GKAP1: variants seen among roughly 807,000 people sequenced by gnomAD.
The protein encoded by GKAP1 is G kinase-anchoring protein 1.
GKAP1 carries 31 observed loss-of-function variants against 56.7 expected under a neutral mutation model. The observed-to-expected ratio is 0.55, with a 90% CI of 0.41 to 0.74. The LOEUF (loss-of-function observed/expected upper bound fraction) is 0.74, where lower values mean the gene tolerates loss of function less well. Ranked by LOEUF, GKAP1 falls within the 30% of genes least tolerant of loss-of-function variation. The pLI, the probability that GKAP1 is intolerant of heterozygous loss-of-function variation, is 0.00. For synonymous variants in GKAP1, 151 were observed against 138.6 expected (o/e 1.09, Z -0.63); for missense variants, 364 against 402.3 (o/e 0.90, Z 0.82).
chr9:83,799,770 G>C (rs1222247319), intron 3 of GKAP1, among the ~76,000 whole-genome samples: 1 of 152,036 alleles, frequency 6.6e-6, no homozygotes, highest in Non-Finnish European at 1.5e-5. Flanking sequence ...CCTCAGAAAT[G>C]TGGCAAAACC....
At chr9:83,772,074 C>T (rs1461821162) in intron 7 of GKAP1, among the ~76,000 whole-genome samples, 3 of 151,958 alleles carry the variant, frequency 2.0e-5, no homozygotes, top group Non-Finnish European at 4.4e-5. Context: ...AATAAATCAA[C>T]TACTACATCC....
intron 2 of GKAP1, among the ~76,000 whole-genome samples, chr9:83,814,418 T>A (rs1273739533): frequency 2.0e-5 from 3 of 152,216 alleles, no homozygotes; most frequent in Non-Finnish European, 4.4e-5. Flanking sequence ...GGTGCTAGCA[T>A]ATCTATGAAG....
At chr9:83,773,243 A>G (rs1158640110) in intron 7 of GKAP1, among the ~76,000 whole-genome samples, 1 of 152,204 alleles carries the variant, frequency 6.6e-6, no homozygotes, top group Non-Finnish European at 1.5e-5. Flanking sequence ...TACCTCAAAA[A>G]CATTATGCTA....
intron 2 of GKAP1, among the ~76,000 whole-genome samples, chr9:83,812,198 T>C (rs1387856736): frequency 6.7e-6 from 1 of 149,356 alleles, no homozygotes; most frequent in Non-Finnish European, 1.5e-5. Context: ...TATATACACA[T>C]ATATATACAC....
At chr9:83,774,079 A>G (rs1402905455) in intron 7 of GKAP1, among the ~76,000 whole-genome samples, 1 of 151,990 alleles carries the variant, frequency 6.6e-6, no homozygotes, top group Non-Finnish European at 1.5e-5. Context: ...CACATTGGCC[A>G]GGCTGGTCTC....
At chr9:83,791,296 G>A (rs1248613298) in intron 4 of GKAP1, among the ~76,000 whole-genome samples, 1 of 151,950 alleles carries the variant, frequency 6.6e-6, no homozygotes, top group Non-Finnish European at 1.5e-5. Context: ...CCAGCTACTC[G>A]GGAGGCTGAG....
At position 83,806,306 on chromosome 9, in the gene GKAP1, T is replaced by C. The variant is rs1449939005; in HGVS notation, c.212A>G (p.Asn71Ser). Residue 71 changes from asparagine (N) to serine (S), a missense_variant, in exon 3 of 13, where the codon AAT becomes AGT. By Grantham distance (46) the Asn-to-Ser change is conservative (BLOSUM62 1). Coordinates refer to ENST00000376371, the MANE Select transcript of GKAP1 (RefSeq NM_025211.4). The stretch of plus-strand genomic sequence containing the variant: ...CAACACAGATAATTGTGTTACCTCA[T>C]TTGCTTCACTCTGTTGCTGTTCCTT... ...KKKEQQQSEANELRNLAFKKI... is the reference protein window; with the variant it reads ...KKKEQQQSEASELRNLAFKKI... 1.6e-5 allele frequency: 25 copies of C among 1,542,044 alleles called. No homozygotes were observed. The highest frequency in any genetic ancestry group is 2.1e-5 in the Non-Finnish European group (24 of 1,140,156).
Position 83,788,675 on chromosome 9 carries a change from T to C in GKAP1, c.364A>G (p.Thr122Ala), listed in dbSNP as rs968936764. 8.7e-6 allele frequency: 14 copies of C among 1,601,162 alleles called. No individual in the cohort carries two copies. The highest frequency in any genetic ancestry group is 2.7e-5 in the African/African-American group (2 of 74,564). ...QEWRQRDEQLTSEMFEADLEK... is the reference protein window; with the variant it reads ...QEWRQRDEQLASEMFEADLEK... ...AGATCTGCTTCAAACATTTCAGATGTCAGCTACAAAAAAAAAGTTTCACAA... is the reference window on the plus strand; with the variant it reads ...AGATCTGCTTCAAACATTTCAGATGCCAGCTACAAAAAAAAAGTTTCACAA... Residue 122 changes from threonine (T) to alanine (A), a missense_variant, in exon 5 of 13, where the codon ACA becomes GCA. By Grantham distance (58) the Thr-to-Ala change is moderately conservative. Transcript: ENST00000376371.
rs764386863 is a variant in GKAP1, at chr9:83,742,539, G to A, written c.966C>T (p.Leu322=). The change falls in exon 11 of 13, where the codon CTC becomes CTT. Residue 322 remains leucine (L), a synonymous_variant. Coordinates refer to ENST00000376371, the MANE Select transcript of GKAP1 (RefSeq NM_025211.4). ...CTCCACAGTTCCTTACCTGAATAGT[G>A]AGCTCATTCTTGATACTTTGTGATT... ...VDESQSIKNE[L]TIQVTSLHAA... 4 of 1,610,314 alleles carry A rather than the reference G, an allele frequency of 2.5e-6. No homozygotes were observed. Among genetic ancestry groups the A allele is most frequent in the Non-Finnish European group, 2.5e-6 (3 of 1,177,528 alleles).
chr9:83,750,349 G>A (rs554163746), intron 9 of GKAP1, among the ~76,000 whole-genome samples: 1 of 152,288 alleles, frequency 6.6e-6, no homozygotes, highest in Non-Finnish European at 1.5e-5. Flanking sequence ...TACACGTGTT[G>A]TTACTGCACT....
chr9:83,769,036 T>G, intron 7 of GKAP1, 66 bp from the exon 8 acceptor site: 1 of 1,267,062 alleles, frequency 7.9e-7, no homozygotes, highest in East Asian at 2.3e-5. Flanking sequence ...ATACACCTAG[T>G]CAACCACAAG....
intron 8 of GKAP1, among the ~76,000 whole-genome samples, chr9:83,761,530 AGAG>A (rs1397701978): frequency 6.6e-6 from 1 of 152,168 alleles, no homozygotes; most frequent in Non-Finnish European, 1.5e-5. Context: ...TTCTGACAAA[AGAG>A]GAGGAGGGAA....
intron 4 of GKAP1, among the ~76,000 whole-genome samples, chr9:83,796,100 CT>C (rs1247061371): frequency 6.6e-6 from 1 of 151,938 alleles, no homozygotes; most frequent in Non-Finnish European, 1.5e-5. Context: ...TCAAAATAAT[CT>C]TTTTTCTTTT....
intron 10 of GKAP1, among the ~76,000 whole-genome samples, chr9:83,744,484 C>T (rs558791545): frequency 6.6e-6 from 1 of 152,318 alleles, no homozygotes; most frequent in Admixed American, 6.5e-5. Flanking sequence ...CTTCTGAGAC[C>T]TACTTCCCCA....
chr9:83,792,042 G>A (rs1587728592), intron 4 of GKAP1, among the ~76,000 whole-genome samples: 1 of 152,124 alleles, frequency 6.6e-6, no homozygotes, highest in East Asian at 1.9e-4. Flanking sequence ...ACAGGCTTTG[G>A]GAGATCACAG....
At chr9:83,779,977 T>A (rs1406878182) in intron 7 of GKAP1, among the ~76,000 whole-genome samples, 4 of 151,966 alleles carry the variant, frequency 2.6e-5, no homozygotes, top group Non-Finnish European at 5.9e-5. Context: ...ATCTAAAGAA[T>A]CACAGTTTAT....
chr9:83,757,372 G>A (rs866869879), intron 8 of GKAP1, among the ~76,000 whole-genome samples: 3 of 152,148 alleles, frequency 2.0e-5, no homozygotes, highest in South Asian at 4.1e-4. Flanking sequence ...TGACAGTGAC[G>A]TATGATAGGT....
intron 6 of GKAP1, among the ~76,000 whole-genome samples, chr9:83,783,526 T>C (rs376468780): frequency 2.6e-5 from 4 of 152,266 alleles, no homozygotes; most frequent in Admixed American, 6.5e-5. Context: ...TATAATGTGC[T>C]TTGCAGTTTA....
chr9:83,755,535 G>A (rs754598654), intron 8 of GKAP1, among the ~76,000 whole-genome samples: 2 of 151,718 alleles, frequency 1.3e-5, no homozygotes, highest in Non-Finnish European at 2.9e-5. Context: ...AACCATATAT[G>A]TATTTTTAGA....
Sources: allele counts gnomAD v4.1 joint callset (sites outside exome capture counted in the v4.1 genomes callset), GRCh38; gene constraint gnomAD v4.1.1; transcripts MANE v1.5; gene names NCBI Gene and HGNC (gene_info 2026-07-23, HGNC 2026-07-21).